The following CADM2 variants were observed in gnomAD, a reference collection of about 807,000 sequenced individuals.
CADM2 encodes the protein immunoglobulin superfamily member 4D.
In CADM2, 12 loss-of-function variants were observed where a neutral mutation model predicts 49.8. The observed-to-expected ratio is 0.24, with a 90% CI of 0.15 to 0.39. The LOEUF is 0.39. CADM2 is among the 10% of genes least tolerant of loss of function. The pLI is 1.00. For missense variants in CADM2, 378 were observed against 492.3 expected, an observed-to-expected ratio of 0.77 and a Z score of 2.20; for synonymous variants, 214 against 175.4, an observed-to-expected ratio of 1.22 and a Z score of -1.74.
intron 1 of CADM2, among the ~76,000 whole-genome samples, chr3:85,673,725 A>T (rs1172186573): frequency 6.6e-6 from 1 of 152,094 alleles, no homozygotes; most frequent in Non-Finnish European, 1.5e-5. Flanking sequence ...TTCCTTCTCC[A>T]GGCTCGTTTA....
intron 1 of CADM2, among the ~76,000 whole-genome samples, chr3:85,260,092 T>C (rs57263837): frequency 2.9e-3 from 446 of 152,278 alleles, no homozygotes; most frequent in African/African-American, 9.4e-3. Context: ...TAATGTTCTA[T>C]TGCTCAGTAG....
Position 85,617,074 on chromosome 3 carries a change from A to G in CADM2, c.62-109448A>G, listed in dbSNP as rs79444614. 7.0e-3 allele frequency among the ~76,000 whole-genome samples: 1,067 copies of G among 152,254 alleles called. 10 individuals carry two copies. The highest frequency in any genetic ancestry group is 0.011 in the Admixed American group (164 of 15,276). ...GGGAATTTCTCCCCACCAACAAACA[A>G]GCAATCAGTTCTTCCGTGGACGCCA... On this transcript the variant is annotated intron_variant, in intron 1 of 9. Transcript: ENST00000383699.
chr3:85,003,426 AGTAACT>A (rs1324878083), intron 1 of CADM2, among the ~76,000 whole-genome samples: 3 of 152,178 alleles, frequency 2.0e-5, no homozygotes, highest in Admixed American at 6.6e-5. Flanking sequence ...AAGCTAGAAA[AGTAACT>A]GAAAGCATTA....
At chr3:85,156,857 G>C (rs948991489) in intron 1 of CADM2, among the ~76,000 whole-genome samples, 1 of 152,094 alleles carries the variant, frequency 6.6e-6, no homozygotes, top group Non-Finnish European at 1.5e-5. Flanking sequence ...GGCAGGAGAA[G>C]GAAATAAAAG....
intron 1 of CADM2, among the ~76,000 whole-genome samples, chr3:85,554,857 A>G (rs539251831): frequency 7.0e-6 from 1 of 142,502 alleles, no homozygotes; most frequent in Non-Finnish European, 1.5e-5. Context: ...ATATTTTTTT[A>G]TTTGACTTTA....
chr3:85,507,726 A>T (rs533561225), intron 1 of CADM2, among the ~76,000 whole-genome samples: 22 of 152,318 alleles, frequency 1.4e-4, no homozygotes, highest in Admixed American at 4.6e-4. Context: ...TGTGCTCCTC[A>T]GCAATATTAT....
chr3:85,768,168 C>T (rs898196435), intron 2 of CADM2, among the ~76,000 whole-genome samples: 2 of 151,850 alleles, frequency 1.3e-5, no homozygotes, highest in Admixed American at 6.6e-5. Context: ...TTTTACTGGC[C>T]GGGCGCAGTG....
intron 1 of CADM2, among the ~76,000 whole-genome samples, chr3:85,423,007 A>G (rs929195201): frequency 1.3e-5 from 2 of 152,128 alleles, no homozygotes; most frequent in East Asian, 3.9e-4. Context: ...ATCAGGATAC[A>G]TGGACTTGAA....
At chr3:85,278,178 T>G (rs1441946876) in intron 1 of CADM2, among the ~76,000 whole-genome samples, 1 of 151,332 alleles carries the variant, frequency 6.6e-6, no homozygotes. Flanking sequence ...AACTAGTAGG[T>G]ACCTAATGAC....
At chr3:85,937,178 A>G (rs1721270956) in intron 7 of CADM2, among the ~76,000 whole-genome samples, 2 of 151,852 alleles carry the variant, frequency 1.3e-5, no homozygotes, top group Admixed American at 1.3e-4. Context: ...TAGTTCATAT[A>G]ACTCATCTAA....
At chr3:85,119,846 A>G (rs1443260170) in intron 1 of CADM2, among the ~76,000 whole-genome samples, 1 of 152,100 alleles carries the variant, frequency 6.6e-6, no homozygotes, top group African/African-American at 2.4e-5. Context: ...TTGCACATTG[A>G]TTTTGTATCC....
chr3:85,652,772 C>CTTTTTTTTTTTTTTTTTTTTTTTTT lies in CADM2; in HGVS notation c.62-73726_62-73725insTTTTTTTTTTTTTTTTTTTTTTTTT, dbSNP rs34756757. ...TAACCTGAAAATCTTTTTTTCTTTTCTTTTTTTTTTTTTTTTTTTTTTTTA... is the reference window on the plus strand; with the variant it reads ...TAACCTGAAAATCTTTTTTTCTTTTCTTTTTTTTTTTTTTTTTTTTTTTTTTTTTTTTTTTTTTTTTTTTTTTTTA... On this transcript the variant is annotated intron_variant, in intron 1 of 9. Coordinates refer to ENST00000383699, the MANE Select transcript of CADM2 (RefSeq NM_001167675.2). 8.7e-4 allele frequency among the ~76,000 whole-genome samples: 44 copies of CTTTTTTTTTTTTTTTTTTTTTTTTT among 50,788 alleles called. 10 individuals are homozygous for CTTTTTTTTTTTTTTTTTTTTTTTTT. The highest frequency in any genetic ancestry group is 1.0e-3 in the African/African-American group (13 of 12,758). The allele number at this position is 50,788 out of a possible 152,430, so 33.3% of individuals were successfully genotyped here.
chr3:85,507,853 T>C (rs1355130927), intron 1 of CADM2, among the ~76,000 whole-genome samples: 3 of 152,204 alleles, frequency 2.0e-5, no homozygotes, highest in Non-Finnish European at 2.9e-5. Flanking sequence ...TGTGGCAGCA[T>C]CTAGGTATGC....
chr3:85,439,155 C>CTTTTTTTTTTT (rs373522509), intron 1 of CADM2, among the ~76,000 whole-genome samples: 1 of 141,052 alleles, frequency 7.1e-6, no homozygotes, highest in Non-Finnish European at 1.5e-5. Flanking sequence ...CTTATAATGA[C>CTTTTTTTTTTT]TTTTTTTTTT....
At chr3:85,244,624 G>A (rs371720828) in intron 1 of CADM2, among the ~76,000 whole-genome samples, 5 of 152,066 alleles carry the variant, frequency 3.3e-5, no homozygotes, top group African/African-American at 2.4e-5. Flanking sequence ...GAGCAATAGC[G>A]TAAGTATAAA....
intron 8 of CADM2, among the ~76,000 whole-genome samples, chr3:86,053,595 A>C (rs892952620): frequency 1.3e-5 from 2 of 152,058 alleles, no homozygotes; most frequent in Non-Finnish European, 2.9e-5. Flanking sequence ...TAAGCCAAAC[A>C]ATTACTTTTT....
At chr3:85,448,942 T>C (rs1372310016) in intron 1 of CADM2, among the ~76,000 whole-genome samples, 1 of 151,106 alleles carries the variant, frequency 6.6e-6, no homozygotes, top group African/African-American at 2.4e-5. Flanking sequence ...CCCAGCTACG[T>C]TGGTGGCTGA....
chr3:85,294,428 G>T (rs2043895442), intron 1 of CADM2, among the ~76,000 whole-genome samples: 1 of 151,504 alleles, frequency 6.6e-6, no homozygotes, highest in African/African-American at 2.4e-5. Context: ...TCACAGAATT[G>T]GAAAAAACTA....
intron 1 of CADM2, among the ~76,000 whole-genome samples, chr3:85,180,560 C>T (rs980822415): frequency 1.3e-5 from 2 of 150,838 alleles, no homozygotes; most frequent in Admixed American, 6.6e-5. Flanking sequence ...AAATGACCAC[C>T]CTACCTTCTC....
Sources: allele counts gnomAD v4.1 joint callset (sites outside exome capture counted in the v4.1 genomes callset), GRCh38; gene constraint gnomAD v4.1.1; transcripts MANE v1.5; gene names NCBI Gene and HGNC (gene_info 2026-07-23, HGNC 2026-07-21).